Variants in NCAPD3 observed in about 807,000 individuals in gnomAD.
The protein encoded by NCAPD3 is non-SMC condensin II complex subunit D3.
A neutral mutation model predicts 182.9 loss-of-function variants in NCAPD3; 105 were observed. The ratio of observed to expected loss-of-function variants is 0.57; its 90% CI spans 0.49 to 0.68. The LOEUF (loss-of-function observed/expected upper bound fraction) is 0.68. Among genes scored for constraint, NCAPD3 ranks in the 30% least tolerant of loss-of-function variants. The pLI, the probability that NCAPD3 is intolerant of heterozygous loss-of-function variation, is 0.00. For synonymous variants in NCAPD3, 815 were observed against 679.9 expected, an observed-to-expected ratio of 1.20 and a Z score of -3.09; for missense variants, 1,944 against 1,837.0, an observed-to-expected ratio of 1.06 and a Z score of -1.07.
intron 28 of NCAPD3, among the ~76,000 whole-genome samples, chr11:134,160,651 G>A (rs1943551304): frequency 6.6e-6 from 1 of 152,202 alleles, no homozygotes; most frequent in Non-Finnish European, 1.5e-5. Flanking sequence ...AGGTCTTAAA[G>A]AGGGGTGCCA....
At chr11:134,166,760 C>T (rs1591828253) in intron 27 of NCAPD3, among the ~76,000 whole-genome samples, 1 of 97,114 alleles carries the variant, frequency 1.0e-5, no homozygotes. Flanking sequence ...GGCGCACACT[C>T]GTGAGATGAG....
intron 3 of NCAPD3, among the ~76,000 whole-genome samples, chr11:134,216,382 G>C (rs1478275469): frequency 1.3e-5 from 2 of 152,166 alleles, no homozygotes; most frequent in Admixed American, 6.5e-5. Context: ...CCTGTGTTTG[G>C]AGTAGGGAAG....
chr11:134,160,693 C>T (rs947979737), intron 28 of NCAPD3, among the ~76,000 whole-genome samples: 1 of 152,188 alleles, frequency 6.6e-6, no homozygotes, highest in African/African-American at 2.4e-5. Flanking sequence ...GAGAAAGAAT[C>T]ATTCCACCTA....
At chr11:134,216,361 C>T (rs1938021464) in intron 3 of NCAPD3, among the ~76,000 whole-genome samples, 2 of 152,174 alleles carry the variant, frequency 1.3e-5, no homozygotes, top group African/African-American at 4.8e-5. Flanking sequence ...CTATGTTCCA[C>T]TCTCTCTCAC....
At chr11:134,178,558 C>G in intron 22 of NCAPD3, 76 bp downstream of exon 22, 1 of 1,170,110 alleles carries the variant, frequency 8.5e-7, no homozygotes, top group Non-Finnish European at 1.2e-6. Context: ...CTGACACAGT[C>G]CCATGGCTGG....
Position 134,184,742 on chromosome 11 carries a change from C to T in NCAPD3, c.2346G>A (p.Lys782=). The change falls in exon 19 of 35, where the codon AAG becomes AAA. Residue 782 remains lysine (K), a synonymous_variant. Coordinates refer to ENST00000534548, the MANE Select transcript of NCAPD3 (RefSeq NM_015261.3). ...ACCACTGAAATCCATTCAGCTTACACTTGACAGCATCTATGAAGGAAGTCA... is the reference window on the plus strand; with the variant it reads ...ACCACTGAAATCCATTCAGCTTACATTTGACAGCATCTATGAAGGAAGTCA... The part of the protein sequence containing the change: ...STRDKVTDAV[K]CKLNGFQWSL... 1.2e-6 allele frequency: 2 copies of T among 1,613,370 alleles called. No individual in the cohort carries two copies. Among genetic ancestry groups the T allele is most frequent in the Non-Finnish European group, 8.5e-7 (1 of 1,179,680 alleles).
chr11:134,167,346 G>C (rs542711218), intron 27 of NCAPD3, among the ~76,000 whole-genome samples: 1,291 of 16,948 alleles, frequency 0.076, 250 homozygotes, highest in African/African-American at 0.51. Context: ...GCGCACACTC[G>C]TGAGATGAGC....
intron 24 of NCAPD3, among the ~76,000 whole-genome samples, chr11:134,174,020 A>G (rs960572218): frequency 2.0e-5 from 3 of 151,490 alleles, no homozygotes; most frequent in African/African-American, 7.3e-5. Context: ...AACCTCTAAG[A>G]AAAAAAAAGT....
At chr11:134,192,155 G>A (rs1944536170) in intron 16 of NCAPD3, among the ~76,000 whole-genome samples, 1 of 152,220 alleles carries the variant, frequency 6.6e-6, no homozygotes, top group Non-Finnish European at 1.5e-5. Flanking sequence ...CAAGGCTGCA[G>A]AATGGTATTT....
intron 16 of NCAPD3, among the ~76,000 whole-genome samples, 195 bp from the exon 17 acceptor site, chr11:134,185,721 A>T (rs910253807): frequency 6.6e-6 from 1 of 152,038 alleles, no homozygotes; most frequent in Non-Finnish European, 1.5e-5. Flanking sequence ...TTATTATTCT[A>T]CTATCAGTTA....
chr11:134,158,266 G>A, intron 30 of NCAPD3, 63 bp downstream of exon 30: 19 of 1,590,540 alleles, frequency 1.2e-5, no homozygotes, highest in Non-Finnish European at 1.5e-5. Context: ...GGAATGGCAG[G>A]GACGCCTCTG....
intron 16 of NCAPD3, among the ~76,000 whole-genome samples, chr11:134,190,019 T>G (rs1254521654): frequency 2.0e-5 from 3 of 152,224 alleles, no homozygotes; most frequent in African/African-American, 7.2e-5. Flanking sequence ...TCATTTACAT[T>G]TATAGAGATT....
rs751491211 is a variant in NCAPD3, at chr11:134,168,619, C to G, written c.3240-17G>C. On this transcript the variant is annotated splice_polypyrimidine_tract_variant and intron_variant, in intron 25 of 34. Transcript: ENST00000534548. ...CGCTTCTCTCTGTGGCAGAACGGGACAAGTTCACTGCATCACATGGGCACG... is the reference window on the plus strand; with the variant it reads ...CGCTTCTCTCTGTGGCAGAACGGGAGAAGTTCACTGCATCACATGGGCACG... 2 of 1,613,776 alleles carry G rather than the reference C, an allele frequency of 1.2e-6. No homozygotes were observed. Among genetic ancestry groups the G allele is most frequent in the Non-Finnish European group, 1.7e-6 (2 of 1,179,964 alleles).
chr11:134,187,947 C>A (rs996122124), intron 16 of NCAPD3, among the ~76,000 whole-genome samples: 10 of 152,200 alleles, frequency 6.6e-5, no homozygotes, highest in African/African-American at 2.4e-4. Flanking sequence ...CTTTCATCAC[C>A]TCTACCATTC....
intron 32 of NCAPD3, among the ~76,000 whole-genome samples, chr11:134,156,008 G>A (rs1943409293): frequency 6.6e-6 from 1 of 152,222 alleles, no homozygotes; most frequent in Non-Finnish European, 1.5e-5. Context: ...ACACACATGA[G>A]CTGACTGAAG....
chr11:134,165,449 G>C (rs1212085988), intron 27 of NCAPD3, among the ~76,000 whole-genome samples: 1 of 150,280 alleles, frequency 6.7e-6, no homozygotes, highest in African/African-American at 2.5e-5. Context: ...TGAGCTTAGG[G>C]GAGTGGCACA....
rs754337311 is a variant in NCAPD3, at chr11:134,204,704, G to GT, written c.1089+194dup. Among the ~76,000 whole-genome samples, 1 of 151,760 alleles carries GT rather than the reference G, an allele frequency of 6.6e-6. No homozygotes were observed. Among genetic ancestry groups the GT allele is most frequent in the African/African-American group, 2.4e-5 (1 of 41,368 alleles). On this transcript the variant is annotated intron_variant, in intron 9 of 34. Coordinates refer to ENST00000534548, the MANE Select transcript of NCAPD3 (RefSeq NM_015261.3). This position sits in a 1 kb window ranked among gnomAD's most constrained non-coding sequence, Gnocchi z 4.3. ...ATGTTCAACATTTTTCCAAAACAAA[G>GT]TTTTTTTGTTTTTTTGTTTTTTATA...
At chr11:134,163,379 T>C (rs1943647567) in intron 27 of NCAPD3, among the ~76,000 whole-genome samples, 1 of 152,044 alleles carries the variant, frequency 6.6e-6, no homozygotes, top group African/African-American at 2.4e-5. Context: ...GTTTCAGATA[T>C]AATAAAATGA....
intron 3 of NCAPD3, among the ~76,000 whole-genome samples, chr11:134,215,461 G>T (rs1014347068): frequency 1.3e-5 from 2 of 152,116 alleles, no homozygotes; most frequent in South Asian, 4.1e-4. Flanking sequence ...CAAGGTTCTA[G>T]GATAGAAGAT....
Sources: allele counts gnomAD v4.1 joint callset (sites outside exome capture counted in the v4.1 genomes callset), GRCh38; gene constraint gnomAD v4.1.1; non-coding constraint Gnocchi (gnomAD v3.1); transcripts MANE v1.5; gene names NCBI Gene and HGNC (gene_info 2026-07-23, HGNC 2026-07-21).